S1PR2: variants seen among roughly 807,000 people sequenced by gnomAD.
S1PR2 encodes the protein sphingosine 1-phosphate receptor 2.
A neutral mutation model predicts 16.1 loss-of-function variants in S1PR2; 9 were observed. The observed-to-expected ratio is 0.56, with a 90% CI of 0.34 to 0.98. The LOEUF (loss-of-function observed/expected upper bound fraction) is 0.98, where lower values mean the gene tolerates loss of function less well. S1PR2 is among the 50% of genes least tolerant of loss of function. S1PR2 has a pLI of 0.02. For synonymous variants in S1PR2, 224 were observed against 233.9 expected (o/e 0.96, Z 0.38); for missense variants, 361 against 488.4 (o/e 0.74, Z 2.46).
At chr19:10,226,987 C>T (rs1043264500) in intron 1 of S1PR2, among the ~76,000 whole-genome samples, 3 of 141,462 alleles carry the variant, frequency 2.1e-5, no homozygotes, top group Non-Finnish European at 1.6e-5. Flanking sequence ...CCCCTCCCAT[C>T]CCCCCCCATC....
intron 1 of S1PR2, chr19:10,230,547 G>C (rs2039667173): frequency 6.5e-6 from 1 of 154,494 alleles, no homozygotes; most frequent in African/African-American, 2.4e-5. Flanking sequence ...CCGTGCCTGA[G>C]AAGGGGGCGA....
rs542021716 is a variant in S1PR2, at chr19:10,221,597, G to A, written c.*2247C>T. On this transcript the variant is annotated 3_prime_UTR_variant, in exon 2 of 2. Coordinates refer to ENST00000646641, the MANE Select transcript of S1PR2 (RefSeq NM_004230.4). The stretch of plus-strand genomic sequence containing the variant: ...ACAAGAAATTACTCTGAGGCATGAG[G>A]TTTCCTTCCCCAAGGTGAGCTGCAC... 6.6e-6 allele frequency: 1 copy of A among 152,422 alleles called. No homozygotes were observed. Among genetic ancestry groups the A allele is most frequent in the East Asian group, 1.9e-4 (1 of 5,276 alleles). The allele number at this position is 152,422 out of a possible 1,614,324, so 9.4% of individuals were successfully genotyped here.
At position 10,223,481 on chromosome 19, in the gene S1PR2, G is replaced by A. The variant is rs1402569171; in HGVS notation, c.*363C>T. 14 of 208,230 alleles carry A rather than the reference G, an allele frequency of 6.7e-5. No individual in the cohort carries two copies. The highest frequency in any genetic ancestry group is 2.7e-4 in the Admixed American group (5 of 18,548). The allele number at this position is 208,230 out of a possible 1,614,324, so 12.9% of individuals were successfully genotyped here. A position where few individuals can be genotyped will look rare whatever the true frequency, so the allele number is the denominator to read the frequency against. On this transcript the variant is annotated 3_prime_UTR_variant, in exon 2 of 2. Coordinates refer to ENST00000646641, the MANE Select transcript of S1PR2 (RefSeq NM_004230.4). ...AGCCTGGGCAGCAGTGCAAGATTCC[G>A]TCTCAAAAAAAAAAAAAAATCCTTT...
At position 10,224,898 on chromosome 19, in the gene S1PR2, C is replaced by T. The variant is rs181702636; in HGVS notation, c.8G>A (p.Ser3Asn). The T allele has an allele frequency of 6.2e-7, 1 of 1,608,044 alleles. No individual in the cohort carries two copies. The highest frequency in any genetic ancestry group is 8.5e-7 in the Non-Finnish European group (1 of 1,178,730). ...GGGGTTCAGGTACTCCGAGTACAAGCTGCCCATGGTGGGGCTCAGAGGCCT... is the reference window on the plus strand; with the variant it reads ...GGGGTTCAGGTACTCCGAGTACAAGTTGCCCATGGTGGGGCTCAGAGGCCT... Reference protein sequence around the residue: MGSLYSEYLNPNK... With the variant: MGNLYSEYLNPNK... Residue 3 changes from serine to asparagine, a missense_variant, in exon 2 of 2, where the codon AGC (serine) becomes AAC (asparagine). By Grantham distance (46) the Ser-to-Asn change is conservative. Transcript: ENST00000646641.
chr19:10,224,237 C>T lies in S1PR2; in HGVS notation c.669G>A (p.Met223Ile). The T allele has an allele frequency of 6.2e-7, 1 of 1,613,776 alleles. No individual in the cohort carries two copies. Among genetic ancestry groups the T allele is most frequent in the Non-Finnish European group, 8.5e-7 (1 of 1,180,036 alleles). ...GCAGGGCTAGCGTCTGCGGGGCGGC[C>T]ATGTCAGCGTGGCTTGAGCGGACCA... ...YCVVRSSHAD[M>I]AAPQTLALLK... Residue 223 changes from methionine (M) to isoleucine (I), a missense_variant, in exon 2 of 2, where the codon ATG becomes ATA. Transcript: ENST00000646641.
chr19:10,225,774 A>G (rs917619807), intron 1 of S1PR2, among the ~76,000 whole-genome samples: 3 of 152,058 alleles, frequency 2.0e-5, no homozygotes, highest in African/African-American at 7.2e-5. Context: ...CCTGGCTTCA[A>G]GCAATTCTCC....
At chr19:10,225,019 A>G (rs1289065599) in intron 1 of S1PR2, 72 bp from the exon 2 acceptor site, 3 of 775,418 alleles carry the variant, frequency 3.9e-6, no homozygotes, top group East Asian at 2.6e-5. Flanking sequence ...CTGGCCTCGG[A>G]TGGGCTGAGA....
Position 10,224,652 on chromosome 19 carries a change from G to C in S1PR2, c.254C>G (p.Ala85Gly). The C allele has an allele frequency of 6.2e-7, 1 of 1,613,828 alleles. No homozygotes were observed. The highest frequency in any genetic ancestry group is 8.5e-7 in the Non-Finnish European group (1 of 1,179,990). Residue 85 changes from alanine (A) to glycine (G), a missense_variant, in exon 2 of 2, where the codon GCC (alanine) becomes GGC (glycine). Coordinates refer to ENST00000646641, the MANE Select transcript of S1PR2 (RefSeq NM_004230.4). The part of the protein sequence containing the change: ...LAASDLLAGV[A>G]FVANTLLSGS... ...AGAGAGCAAGGTATTGGCTACGAAG[G>C]CCACGCCTGCCAGTAGATCGGAGGC...
intron 1 of S1PR2, among the ~76,000 whole-genome samples, chr19:10,230,104 G>T (rs1178454122): frequency 6.6e-6 from 1 of 152,210 alleles, no homozygotes; most frequent in African/African-American, 2.4e-5. Flanking sequence ...TCTGGTCCGC[G>T]GGCAGCGCCC....
intron 1 of S1PR2, among the ~76,000 whole-genome samples, chr19:10,229,834 T>C (rs992709954): frequency 6.6e-5 from 10 of 152,212 alleles, no homozygotes; most frequent in African/African-American, 2.4e-4. Context: ...CTTGCCACTA[T>C]GGGAAACTAT....
At chr19:10,226,145 G>A (rs1165869702) in intron 1 of S1PR2, among the ~76,000 whole-genome samples, 1 of 152,186 alleles carries the variant, frequency 6.6e-6, no homozygotes, top group African/African-American at 2.4e-5. Flanking sequence ...CCTGGGTCAG[G>A]GAGAGTCTCA....
chr19:10,226,895 G>A (rs937690312), intron 1 of S1PR2, among the ~76,000 whole-genome samples: 3 of 151,610 alleles, frequency 2.0e-5, no homozygotes, highest in Non-Finnish European at 2.9e-5. Context: ...AGGGGGTAAG[G>A]CATTTGTTCC....
rs767468819 is a variant in S1PR2 at position 10,224,889 on chromosome 19, G to A, written c.17C>T (p.Ser6Leu). MGSLYSEYLNPNKVQE... is the reference protein window; with the variant it reads MGSLYLEYLNPNKVQE... ...GACCTTGTTGGGGTTCAGGTACTCCGAGTACAAGCTGCCCATGGTGGGGCT... is the reference window on the plus strand; with the variant it reads ...GACCTTGTTGGGGTTCAGGTACTCCAAGTACAAGCTGCCCATGGTGGGGCT... Residue 6 changes from serine (S) to leucine (L), a missense_variant, in exon 2 of 2, where the codon TCG becomes TTG. Physicochemically the swap from Ser to Leu is moderately radical, Grantham distance 145. Transcript: ENST00000646641. 4 of 1,609,638 alleles carry A rather than the reference G, an allele frequency of 2.5e-6. No homozygotes were observed. The highest frequency in any genetic ancestry group is 1.1e-5 in the South Asian group (1 of 91,038).
chr19:10,231,095 G>T (rs2145447937), intron 1 of S1PR2, 109 bp downstream of exon 1: 1 of 152,754 alleles, frequency 6.5e-6, no homozygotes, highest in South Asian at 2.1e-4. Context: ...AGGAACCCAG[G>T]CGGCGCGTGC....
At chr19:10,226,453 G>A (rs959730964) in intron 1 of S1PR2, among the ~76,000 whole-genome samples, 23 of 152,216 alleles carry the variant, frequency 1.5e-4, no homozygotes, top group African/African-American at 5.5e-4. Flanking sequence ...TCATGGGGGT[G>A]ATGGGAAAAT....
chr19:10,228,632 G>A (rs2039650805), intron 1 of S1PR2, among the ~76,000 whole-genome samples: 1 of 152,214 alleles, frequency 6.6e-6, no homozygotes, highest in Admixed American at 6.5e-5. Flanking sequence ...CCCCCTAGGT[G>A]GATGGCGTGG....
At position 10,222,700 on chromosome 19, in the gene S1PR2, T is replaced by C. The variant is rs1479907526; in HGVS notation, c.*1144A>G. ...GTCGTCAAGTGGCAGCTGATGAAAT[T>C]TGGGGAAGCTGTGGATTTGGGCTCT... is the stretch of plus-strand genomic sequence containing the variant. On this transcript the variant is annotated 3_prime_UTR_variant, in exon 2 of 2. Transcript: ENST00000646641. The C allele has an allele frequency of 5.3e-5, 8 of 152,072 alleles. No homozygotes were observed. The highest frequency in any genetic ancestry group is 4.2e-4 in the South Asian group (2 of 4,806). The allele number at this position is 152,072 out of a possible 1,614,324, so 9.4% of individuals were successfully genotyped here.
chr19:10,225,870 G>A (rs928413586), intron 1 of S1PR2, among the ~76,000 whole-genome samples: 6 of 151,888 alleles, frequency 4.0e-5, no homozygotes, highest in Admixed American at 3.9e-4. Flanking sequence ...TAGAGATAGG[G>A]TCTTGCTCTG....
rs187508726 is a variant in S1PR2, at chr19:10,228,394, C to T, written c.-43+2810G>A. The stretch of plus-strand genomic sequence containing the variant: ...GACTAACTAAGCAGTCTGTCTTTTT[C>T]CCTGAGAGGAAGACTGGGGGTGCTG... On this transcript the variant is annotated intron_variant, in intron 1 of 1. Coordinates refer to ENST00000646641, the MANE Select transcript of S1PR2 (RefSeq NM_004230.4). Among the ~76,000 whole-genome samples, 863 of 152,252 alleles carry T rather than the reference C, an allele frequency of 5.7e-3. 9 individuals carry two copies. The highest frequency in any genetic ancestry group is 4.2e-3 in the Non-Finnish European group (283 of 68,016).
Sources: allele counts gnomAD v4.1 joint callset (sites outside exome capture counted in the v4.1 genomes callset), GRCh38; gene constraint gnomAD v4.1.1; transcripts MANE v1.5; gene names NCBI Gene and HGNC (gene_info 2026-07-23, HGNC 2026-07-21).